ADGRB3: variants seen among roughly 807,000 people sequenced by gnomAD.
The protein encoded by ADGRB3 is adhesion G protein-coupled receptor B3.
Under a neutral mutation model 193.4 loss-of-function variants are expected in ADGRB3, and 37 were observed. That is an observed-to-expected ratio of 0.19 (90% confidence interval 0.15 to 0.25). ADGRB3 has a LOEUF of 0.25. ADGRB3 is among the 10% of genes least tolerant of loss of function. The pLI is 1.00. For synonymous variants in ADGRB3, 690 were observed against 644.2 expected (o/e 1.07, Z -1.08); for missense variants, 1,637 against 1,852.9 (o/e 0.88, Z 2.14).
chr6:68,812,839 C>G (rs575592570), intron 3 of ADGRB3, among the ~76,000 whole-genome samples: 14 of 151,612 alleles, frequency 9.2e-5, no homozygotes, highest in Non-Finnish European at 2.1e-4. Context: ...CCCAACCCCC[C>G]ACAGGCCCCA....
intron 17 of ADGRB3, among the ~76,000 whole-genome samples, chr6:69,092,546 T>C (rs1772739841): frequency 6.6e-6 from 1 of 152,208 alleles, no homozygotes; most frequent in African/African-American, 2.4e-5. Flanking sequence ...TTGATAATAA[T>C]TGTAAGCAAC....
chr6:69,265,719 G>A (rs1289186170), intron 20 of ADGRB3, among the ~76,000 whole-genome samples: 2 of 151,884 alleles, frequency 1.3e-5, no homozygotes, highest in Non-Finnish European at 2.9e-5. Context: ...AATTGCTCCT[G>A]GCCACTTTGT....
At chr6:68,929,478 GC>G (rs1333663948) in intron 3 of ADGRB3, among the ~76,000 whole-genome samples, 17 of 152,106 alleles carry the variant, frequency 1.1e-4, no homozygotes, top group Admixed American at 9.8e-4. Context: ...AAGATACACA[GC>G]TTAATTACAC....
intron 20 of ADGRB3, among the ~76,000 whole-genome samples, chr6:69,297,038 C>T (rs1026248486): frequency 1.3e-5 from 2 of 152,090 alleles, no homozygotes; most frequent in East Asian, 3.9e-4. Flanking sequence ...GCCAAGTTCT[C>T]ATCTTTCTCA....
At chr6:69,293,426 C>G (rs542599053) in intron 20 of ADGRB3, among the ~76,000 whole-genome samples, 1 of 151,970 alleles carries the variant, frequency 6.6e-6, no homozygotes, top group East Asian at 1.9e-4. Flanking sequence ...CTAGTTCAAA[C>G]TAAGAATTCC....
chr6:68,651,969 T>C (rs992622348), intron 3 of ADGRB3, among the ~76,000 whole-genome samples: 1 of 152,166 alleles, frequency 6.6e-6, no homozygotes, highest in Non-Finnish European at 1.5e-5. Context: ...TTGTTCCTAC[T>C]GTGTTTTGCT....
intron 20 of ADGRB3, among the ~76,000 whole-genome samples, chr6:69,297,477 A>G (rs569223116): frequency 3.3e-5 from 5 of 150,254 alleles, no homozygotes; most frequent in Non-Finnish European, 5.9e-5. Context: ...TCACATTTCT[A>G]TCATTGAGCT....
At chr6:69,313,168 T>C (rs1450908330) in intron 20 of ADGRB3, among the ~76,000 whole-genome samples, 2 of 151,850 alleles carry the variant, frequency 1.3e-5, no homozygotes, top group Non-Finnish European at 2.9e-5. Flanking sequence ...CTGAGGCACC[T>C]TAGCAATTCT....
At chr6:69,139,809 C>G (rs943413382) in intron 17 of ADGRB3, among the ~76,000 whole-genome samples, 12 of 152,142 alleles carry the variant, frequency 7.9e-5, no homozygotes, top group Non-Finnish European at 1.6e-4. Context: ...ACTAGTGTAT[C>G]CTGACTAAAA....
At chr6:69,378,950 T>G (rs1278892626) in intron 30 of ADGRB3, among the ~76,000 whole-genome samples, 1 of 152,016 alleles carries the variant, frequency 6.6e-6, no homozygotes, top group East Asian at 1.9e-4. Context: ...AATGACTAAT[T>G]CTCTTGCATT....
chr6:69,121,627 G>A (rs890532754), intron 17 of ADGRB3, among the ~76,000 whole-genome samples: 1 of 151,898 alleles, frequency 6.6e-6, no homozygotes, highest in Non-Finnish European at 1.5e-5. Flanking sequence ...CCCAGATGGG[G>A]CAGCGGGACA....
At chr6:68,822,159 G>A (rs988509497) in intron 3 of ADGRB3, among the ~76,000 whole-genome samples, 1 of 151,574 alleles carries the variant, frequency 6.6e-6, no homozygotes, top group Non-Finnish European at 1.5e-5. Context: ...AAAAGAAAGC[G>A]GATGACATTC....
intron 17 of ADGRB3, among the ~76,000 whole-genome samples, chr6:69,184,966 A>G (rs1340944300): frequency 2.0e-5 from 3 of 152,138 alleles, no homozygotes; most frequent in Non-Finnish European, 4.4e-5. Context: ...ATTGCTTTAA[A>G]TTAAGCACAA....
intron 17 of ADGRB3, among the ~76,000 whole-genome samples, chr6:69,225,504 C>A (rs968111826): frequency 1.8e-4 from 27 of 152,172 alleles, no homozygotes; most frequent in African/African-American, 6.3e-4. Flanking sequence ...GCTCTGGAGT[C>A]ATACTTGAGC....
intron 3 of ADGRB3, among the ~76,000 whole-genome samples, chr6:68,858,001 A>G (rs1251615852): frequency 2.6e-5 from 4 of 152,206 alleles, no homozygotes; most frequent in African/African-American, 7.2e-5. Flanking sequence ...CCTGCCATCC[A>G]TATAAGATGT....
chr6:68,764,780 A>G (rs1403920), intron 3 of ADGRB3, among the ~76,000 whole-genome samples: 23,514 of 151,326 alleles, frequency 0.16, 2,092 homozygotes, highest in African/African-American at 0.24. Context: ...TTCATTGATT[A>G]ACTTAAATCA....
chr6:69,252,859 C>T lies in ADGRB3; in HGVS notation c.2814+13633C>T, dbSNP rs149289648. 2.5e-3 allele frequency among the ~76,000 whole-genome samples: 387 copies of T among 152,108 alleles called. 4 individuals carry two copies. The highest frequency in any genetic ancestry group is 9.1e-3 in the African/African-American group (376 of 41,530). ...CCACCATAAAAGATCTTCATTACTCCTCTAGGTCATAAAAATGTTTTTCTA... is the reference window on the plus strand; with the variant it reads ...CCACCATAAAAGATCTTCATTACTCTTCTAGGTCATAAAAATGTTTTTCTA... On this transcript the variant is annotated intron_variant, in intron 20 of 31. Coordinates refer to ENST00000370598, the MANE Select transcript of ADGRB3 (RefSeq NM_001704.3).
intron 17 of ADGRB3, among the ~76,000 whole-genome samples, chr6:69,190,626 T>A (rs1415240555): frequency 6.6e-6 from 1 of 152,080 alleles, no homozygotes; most frequent in Non-Finnish European, 1.5e-5. Flanking sequence ...TTAGCGTAAC[T>A]TAAGTGTACA....
intron 3 of ADGRB3, among the ~76,000 whole-genome samples, chr6:68,685,883 ACT>A (rs1305603529): frequency 2.0e-5 from 3 of 152,078 alleles, no homozygotes; most frequent in Non-Finnish European, 2.9e-5. Context: ...ACAGAGCGAG[ACT>A]CTGTCTCAAA....
Sources: gnomAD v4.1 joint callset for allele counts (sites outside exome capture counted in the v4.1 genomes callset) on GRCh38, gnomAD v4.1.1 for gene constraint, MANE v1.5 for transcripts, NCBI Gene and HGNC (gene_info 2026-07-23, HGNC 2026-07-21) for gene names.